The following PRLR variants were observed in gnomAD, a reference collection of about 807,000 sequenced individuals.
PRLR encodes the protein prolactin receptor.
Under a neutral mutation model 40.2 loss-of-function variants are expected in PRLR, and 13 were observed. The observed-to-expected ratio is 0.32, with a 90% confidence interval of 0.21 to 0.51. PRLR has a LOEUF of 0.51. Among genes scored for constraint, PRLR ranks in the 20% least tolerant of loss-of-function variants. The pLI is 0.97. For synonymous variants in PRLR, 269 were observed against 278.7 expected (o/e 0.97, Z 0.35); for missense variants, 656 against 747.3 (o/e 0.88, Z 1.42).
At chr5:35,094,009 G>T (rs1771379857) in intron 2 of PRLR, among the ~76,000 whole-genome samples, 2 of 152,166 alleles carry the variant, frequency 1.3e-5, no homozygotes, top group Non-Finnish European at 2.9e-5. Context: ...GTACAACAAT[G>T]AAATCTCTTG....
chr5:35,210,301 A>C (rs1287669063), intron 1 of PRLR, among the ~76,000 whole-genome samples: 3 of 152,166 alleles, frequency 2.0e-5, no homozygotes, highest in Non-Finnish European at 4.4e-5. Context: ...GGCAGAAACC[A>C]CTCAGCTCAC....
At position 35,059,357 on chromosome 5, in the gene PRLR, A is replaced by G. The variant is rs1247759686; in HGVS notation, c.*5732T>C. 6.6e-6 allele frequency: 1 copy of G among 152,126 alleles called. No individual in the cohort carries two copies. Among genetic ancestry groups the G allele is most frequent in the Non-Finnish European group, 1.5e-5 (1 of 68,032 alleles). The allele number at this position is 152,126 out of a possible 1,614,324, so 9.4% of individuals were successfully genotyped here. Reference sequence around the variant, plus strand: ...GACTTTACATGTCTCAGTACTTTCTAAATTGAAATCAGAGCATTAAATCAA... The same window carrying G: ...GACTTTACATGTCTCAGTACTTTCTGAATTGAAATCAGAGCATTAAATCAA... On this transcript the variant is annotated 3_prime_UTR_variant, in exon 10 of 10. Transcript: ENST00000618457.
At chr5:35,096,468 A>C (rs190290133) in intron 2 of PRLR, among the ~76,000 whole-genome samples, 244 of 152,340 alleles carry the variant, frequency 1.6e-3, no homozygotes, top group African/African-American at 5.6e-3. Context: ...CTAGTCCCTC[A>C]TGAGATCATC....
At chr5:35,092,792 G>A (rs943047029) in intron 2 of PRLR, among the ~76,000 whole-genome samples, 1 of 152,190 alleles carries the variant, frequency 6.6e-6, no homozygotes, top group Non-Finnish European at 1.5e-5. Context: ...CCTTGGTTTT[G>A]ACTGAGGGTT....
chr5:35,144,948 T>C (rs1774139303), intron 1 of PRLR, among the ~76,000 whole-genome samples: 1 of 152,134 alleles, frequency 6.6e-6, no homozygotes, highest in Non-Finnish European at 1.5e-5. Flanking sequence ...AAAAGAGCAA[T>C]GGGAACACTG....
At chr5:35,129,525 C>A (rs1298581430) in intron 1 of PRLR, among the ~76,000 whole-genome samples, 1 of 152,134 alleles carries the variant, frequency 6.6e-6, no homozygotes, top group Non-Finnish European at 1.5e-5. Context: ...TCAACCACAG[C>A]AAATGTGGGG....
intron 5 of PRLR, among the ~76,000 whole-genome samples, chr5:35,076,183 C>T (rs761857154): frequency 5.3e-5 from 8 of 152,280 alleles, no homozygotes; most frequent in South Asian, 2.1e-4. Context: ...CAAAGCTGGA[C>T]GGAGAATGAC....
intron 2 of PRLR, among the ~76,000 whole-genome samples, chr5:35,098,863 T>C (rs1414223278): frequency 6.6e-6 from 1 of 152,220 alleles, no homozygotes; most frequent in African/African-American, 2.4e-5. Flanking sequence ...GGTATTCTAA[T>C]TCAACCCCTC....
At chr5:35,104,726 C>A (rs1433970872) in intron 2 of PRLR, among the ~76,000 whole-genome samples, 1 of 152,186 alleles carries the variant, frequency 6.6e-6, no homozygotes, top group Non-Finnish European at 1.5e-5. Flanking sequence ...GGCCAGGAAG[C>A]TCGAACTGGG....
At chr5:35,182,491 C>T (rs1775319642) in intron 1 of PRLR, among the ~76,000 whole-genome samples, 1 of 152,186 alleles carries the variant, frequency 6.6e-6, no homozygotes, top group Admixed American at 6.5e-5. Context: ...CCAGAGTAGT[C>T]TATGGTCTTG....
intron 2 of PRLR, among the ~76,000 whole-genome samples, chr5:35,098,384 A>G (rs1410121425): frequency 6.6e-6 from 1 of 152,200 alleles, no homozygotes; most frequent in Non-Finnish European, 1.5e-5. Context: ...AGCCACAGCC[A>G]ATCTGCTGCT....
intron 1 of PRLR, among the ~76,000 whole-genome samples, chr5:35,209,220 T>C (rs995560007): frequency 1.3e-5 from 2 of 152,082 alleles, no homozygotes; most frequent in Admixed American, 1.3e-4. Flanking sequence ...AAAAAAATTA[T>C]AAAAATTTTA....
intron 1 of PRLR, among the ~76,000 whole-genome samples, chr5:35,168,751 G>A (rs1397205841): frequency 7.9e-5 from 12 of 151,852 alleles, no homozygotes; most frequent in Non-Finnish European, 2.9e-5. Flanking sequence ...AATAGCCCTG[G>A]GAAGTTTGAA....
intron 1 of PRLR, among the ~76,000 whole-genome samples, chr5:35,150,566 G>A (rs576146152): frequency 4.6e-5 from 7 of 152,276 alleles, no homozygotes; most frequent in Middle Eastern, 3.4e-3. Context: ...TTGCCATGCA[G>A]TATTGAATTA....
At chr5:35,113,238 C>G (rs1772783299) in intron 2 of PRLR, among the ~76,000 whole-genome samples, 1 of 150,880 alleles carries the variant, frequency 6.6e-6, no homozygotes, top group African/African-American at 2.4e-5. Context: ...TTCCATCCAT[C>G]TATCAACCAC....
intron 4 of PRLR, among the ~76,000 whole-genome samples, chr5:35,085,961 A>G (rs1770822407): frequency 6.6e-6 from 1 of 152,094 alleles, no homozygotes; most frequent in South Asian, 2.1e-4. Context: ...CAGAAATGCC[A>G]AGCATCAGCA....
intron 1 of PRLR, among the ~76,000 whole-genome samples, chr5:35,186,127 T>A (rs1775422926): frequency 6.6e-6 from 1 of 152,080 alleles, no homozygotes; most frequent in Non-Finnish European, 1.5e-5. Flanking sequence ...AAATACACAC[T>A]GAGTATCAAA....
Position 35,187,396 on chromosome 5 carries a change from G to A in PRLR, c.-106+42872C>T, listed in dbSNP as rs531750656. On this transcript the variant is annotated intron_variant, in intron 1 of 9. Transcript: ENST00000618457. ...AGCCTGGGTGACAGAGAGAAACTCC[G>A]TTTAAAAAAAAAAAAAAGAAGAAGA... Among the ~76,000 whole-genome samples, 20 of 147,962 alleles carry A rather than the reference G, an allele frequency of 1.4e-4. No homozygotes were observed. The South Asian group carries it at 2.2e-3, about 16-fold the overall frequency.
intron 1 of PRLR, among the ~76,000 whole-genome samples, chr5:35,154,169 CAT>C (rs1205275221): frequency 6.6e-6 from 1 of 152,102 alleles, no homozygotes; most frequent in Admixed American, 6.6e-5. Flanking sequence ...GTAGAAAACT[CAT>C]AGAATTATAG....
Sources: gnomAD v4.1 joint callset for allele counts (sites outside exome capture counted in the v4.1 genomes callset) on GRCh38, gnomAD v4.1.1 for gene constraint, MANE v1.5 for transcripts, NCBI Gene and HGNC (gene_info 2026-07-23, HGNC 2026-07-21) for gene names.